Variants in ZNF676 observed in about 807,000 individuals in gnomAD.
The protein encoded by ZNF676 is zinc finger protein 676.
In ZNF676, 4 loss-of-function variants were observed where a neutral mutation model predicts 6.0. The ratio of observed to expected loss-of-function variants is 0.67; its 90% CI spans 0.33 to 1.53. The LOEUF is 1.53. Among genes scored for constraint, ZNF676 ranks in the 40% most tolerant of loss-of-function variants. ZNF676 has a pLI of 0.06. For missense variants in ZNF676, 644 were observed against 679.7 expected (o/e 0.95, Z 0.58); for synonymous variants, 198 against 223.1 (o/e 0.89, Z 1.00).
At chr19:22,204,076 A>G (rs1346758785) in intron 1 of ZNF676, 2 of 152,194 alleles carry the variant, frequency 1.3e-5, no homozygotes, top group African/African-American at 4.8e-5. Context: ...ACCTAACTGG[A>G]GAGCTATTAC....
At chr19:22,185,001 C>T (rs905817679) in intron 2 of ZNF676, among the ~76,000 whole-genome samples, 1 of 152,122 alleles carries the variant, frequency 6.6e-6, no homozygotes, top group African/African-American at 2.4e-5. Context: ...TCTACCAGCA[C>T]AGCGTTCAAG....
chr19:22,215,951 C>G (rs1372413196), upstream of ZNF676, among the ~76,000 whole-genome samples: 1 of 152,220 alleles, frequency 6.6e-6, no homozygotes, highest in East Asian at 1.9e-4. Flanking sequence ...AGGCTGCAGC[C>G]TTTTCAGGCA....
At chr19:22,182,585 T>TTAAAAAAAAA (rs376894161) in intron 2 of ZNF676, among the ~76,000 whole-genome samples, 2 of 45,046 alleles carry the variant, frequency 4.4e-5, no homozygotes, top group African/African-American at 2.1e-4. Context: ...GTCAAAGTTC[T>TTAAAAAAAAA]AAAAAAAAAA....
At position 22,179,753 on chromosome 19, in the gene ZNF676, G is replaced by T; in HGVS notation, c.*197C>A. ...TTATGTTCCACAAGGTTTGAGGACC[G>T]GTTGAAGCCTTTGTCACATTCTTCA... On this transcript the variant is annotated 3_prime_UTR_variant, in exon 3 of 3. Coordinates refer to ENST00000397121, the MANE Select transcript of ZNF676 (RefSeq NM_001001411.3). 5.5e-6 allele frequency: 4 copies of T among 722,566 alleles called. No individual in the cohort carries two copies. Among genetic ancestry groups the T allele is most frequent in the East Asian group, 2.7e-5 (1 of 36,398 alleles). The allele number at this position is 722,566 out of a possible 1,614,324, so 44.8% of individuals were successfully genotyped here. A position where few individuals can be genotyped will look rare whatever the true frequency, so the allele number is the denominator to read the frequency against.
chr19:22,215,941 A>G (rs541839199), upstream of ZNF676, among the ~76,000 whole-genome samples: 4 of 152,354 alleles, frequency 2.6e-5, no homozygotes, highest in South Asian at 8.3e-4. Context: ...GAGCCAACGT[A>G]GGCTGCAGCC....
At chr19:22,222,782 A>G in the ZNF676 span, among the ~76,000 whole-genome samples, 1 of 152,196 alleles carries the variant, frequency 6.6e-6, no homozygotes, top group Non-Finnish European at 1.5e-5. Context: ...TTGGCTTGTT[A>G]CAAAAGGCTT....
At chr19:22,183,000 A>C (rs1209587680) in intron 2 of ZNF676, among the ~76,000 whole-genome samples, 1 of 152,146 alleles carries the variant, frequency 6.6e-6, no homozygotes, top group African/African-American at 2.4e-5. Flanking sequence ...TCAGTGAAAA[A>C]TTTAAGAGCA....
chr19:22,252,927 C>A, the ZNF676 span, among the ~76,000 whole-genome samples: 1 of 152,166 alleles, frequency 6.6e-6, no homozygotes, highest in Admixed American at 6.5e-5. Context: ...ACATGAAGGT[C>A]CAGAGATGAG....
At chr19:22,214,119 T>C (rs2024159684) in intron 1 of ZNF676, among the ~76,000 whole-genome samples, 1 of 152,178 alleles carries the variant, frequency 6.6e-6, no homozygotes, top group Admixed American at 6.5e-5. Flanking sequence ...CATTTGGGAA[T>C]GTCAGAAGGA....
chr19:22,215,040 CA>C (rs1159376851), intron 1 of ZNF676, among the ~76,000 whole-genome samples: 702 of 51,416 alleles, frequency 0.014, 1 homozygote, highest in African/African-American at 0.022. Flanking sequence ...GACTCCATCT[CA>C]AAAAAAAAAA....
chr19:22,201,334 A>T (rs1354359634), upstream of ZNF676, among the ~76,000 whole-genome samples: 1 of 152,158 alleles, frequency 6.6e-6, no homozygotes, highest in Non-Finnish European at 1.5e-5. Flanking sequence ...AAAAGGCCAC[A>T]CTCTCAAAAA....
chr19:22,190,182 T>G (rs557310830), intron 2 of ZNF676, among the ~76,000 whole-genome samples: 12 of 152,238 alleles, frequency 7.9e-5, no homozygotes, highest in Non-Finnish European at 1.3e-4. Flanking sequence ...CATGGAATAC[T>G]ATGCAGCCAT....
At chr19:22,212,105 CAGG>C (rs979600727) in intron 1 of ZNF676, among the ~76,000 whole-genome samples, 8 of 149,524 alleles carry the variant, frequency 5.4e-5, no homozygotes, top group Non-Finnish European at 1.2e-4. Context: ...GAGGCTGAAG[CAGG>C]AGAATGGTGT....
chr19:22,223,717 G>A, the ZNF676 span, among the ~76,000 whole-genome samples: 1 of 151,860 alleles, frequency 6.6e-6, no homozygotes, highest in Non-Finnish European at 1.5e-5. Flanking sequence ...TAAGTTTGCT[G>A]CAGGCAGAAA....
At chr19:22,204,155 A>C (rs1341030826) in intron 1 of ZNF676, among the ~76,000 whole-genome samples, 1 of 152,230 alleles carries the variant, frequency 6.6e-6, no homozygotes, top group Non-Finnish European at 1.5e-5. Flanking sequence ...TTGGTAAAAT[A>C]TATGACACTA....
the ZNF676 span, among the ~76,000 whole-genome samples, chr19:22,231,605 A>G: frequency 1.4e-5 from 1 of 69,176 alleles, no homozygotes; most frequent in African/African-American, 8.6e-5. Flanking sequence ...CTGTATCTTT[A>G]TTTATTTATT....
intron 2 of ZNF676, among the ~76,000 whole-genome samples, chr19:22,185,510 G>C (rs2023825420): frequency 6.7e-6 from 1 of 148,774 alleles, no homozygotes; most frequent in African/African-American, 2.5e-5. Context: ...AAACAAAACT[G>C]AATGGAGAAT....
At chr19:22,250,014 T>C in the ZNF676 span, among the ~76,000 whole-genome samples, 7 of 151,842 alleles carry the variant, frequency 4.6e-5, no homozygotes, top group South Asian at 4.2e-4. Flanking sequence ...GAAACCCGTC[T>C]CTACTAAAAA....
At chr19:22,244,708 C>T in the ZNF676 span, 1 of 152,218 alleles carries the variant, frequency 6.6e-6, no homozygotes, top group African/African-American at 2.4e-5. Flanking sequence ...ATGTCACAAT[C>T]TTCTCTATGT....
Sources: allele counts gnomAD v4.1 joint callset (sites outside exome capture counted in the v4.1 genomes callset), GRCh38; gene constraint gnomAD v4.1.1; transcripts MANE v1.5; gene names NCBI Gene and HGNC (gene_info 2026-07-23, HGNC 2026-07-21).